The following AIG1 variants were observed in gnomAD, a reference collection of about 807,000 sequenced individuals.
The protein encoded by AIG1 is androgen-induced gene 1 protein.
Under a neutral mutation model 31.4 loss-of-function variants are expected in AIG1, and 23 were observed. That is an observed-to-expected ratio of 0.73 (90% CI 0.53 to 1.04). AIG1 has a LOEUF of 1.04. Among genes scored for constraint, AIG1 ranks in the 50% least tolerant of loss-of-function variants. AIG1 has a pLI of 0.00. For missense variants in AIG1, 274 were observed against 295.0 expected (o/e 0.93, Z 0.52); for synonymous variants, 100 against 110.5 (o/e 0.90, Z 0.60).
chr6:143,269,325 G>A (rs7765576), intron 3 of AIG1, among the ~76,000 whole-genome samples: 14,282 of 152,248 alleles, frequency 0.094, 1,831 homozygotes, highest in African/African-American at 0.29. Flanking sequence ...TCAAGTGCTG[G>A]CAAGGATTCA....
chr6:143,170,666 C>G (rs1371959072), intron 3 of AIG1, among the ~76,000 whole-genome samples: 1 of 149,852 alleles, frequency 6.7e-6, no homozygotes, highest in Non-Finnish European at 1.5e-5. Flanking sequence ...TTCTTTCCTT[C>G]TATTAATTTT....
chr6:143,181,943 A>C (rs1453111539), intron 3 of AIG1, among the ~76,000 whole-genome samples: 1 of 152,164 alleles, frequency 6.6e-6, no homozygotes, highest in African/African-American at 2.4e-5. Flanking sequence ...GAGTCAAATC[A>C]TACACTTCTC....
At chr6:143,069,015 T>C (rs1776991834) in intron 1 of AIG1, among the ~76,000 whole-genome samples, 1 of 143,648 alleles carries the variant, frequency 7.0e-6, no homozygotes, top group South Asian at 2.2e-4. Context: ...AATTTATTCC[T>C]TTTTTTTTTT....
At chr6:143,168,250 C>CT (rs890210732) in intron 3 of AIG1, among the ~76,000 whole-genome samples, 16 of 150,356 alleles carry the variant, frequency 1.1e-4, no homozygotes, top group Admixed American at 8.6e-4. Flanking sequence ...TTCCAAATTT[C>CT]TTTTTTTTTA....
intron 2 of AIG1, among the ~76,000 whole-genome samples, chr6:143,144,210 C>G (rs1482589741): frequency 2.6e-5 from 4 of 152,120 alleles, no homozygotes; most frequent in African/African-American, 9.7e-5. Context: ...AAATATATGA[C>G]AGGGAAAACC....
intron 1 of AIG1, among the ~76,000 whole-genome samples, chr6:143,105,514 A>C (rs148979374): frequency 7.2e-4 from 110 of 152,370 alleles, no homozygotes; most frequent in African/African-American, 2.5e-3. Flanking sequence ...AACACTATGG[A>C]GAGTGGGTTT....
intron 3 of AIG1, among the ~76,000 whole-genome samples, chr6:143,199,839 C>T (rs1562483905): frequency 6.6e-6 from 1 of 152,044 alleles, no homozygotes. Flanking sequence ...TACAAGAAGG[C>T]TTAAATGTTA....
intron 1 of AIG1, among the ~76,000 whole-genome samples, chr6:143,108,790 T>C (rs1781033833): frequency 6.6e-6 from 1 of 152,222 alleles, no homozygotes; most frequent in African/African-American, 2.4e-5. Flanking sequence ...GCACACATCT[T>C]ACATGAATTG....
intron 1 of AIG1, among the ~76,000 whole-genome samples, chr6:143,087,259 C>T (rs1416137188): frequency 6.6e-6 from 1 of 152,088 alleles, no homozygotes; most frequent in African/African-American, 2.4e-5. Flanking sequence ...CGGGCTGCTC[C>T]CAAGGTGGTG....
rs1328308620 is a variant in AIG1, at chr6:143,299,991, C to A, written c.515+15766C>A. Reference sequence around the variant, plus strand: ...ACACTGCTGTGAAACATCCACCGTGCACCACCACCGGGCTAGAATCTTATG... The same window carrying A: ...ACACTGCTGTGAAACATCCACCGTGAACCACCACCGGGCTAGAATCTTATG... On this transcript the variant is annotated intron_variant, in intron 4 of 5. Coordinates refer to ENST00000357847, the MANE Select transcript of AIG1 (RefSeq NM_016108.4). The surrounding 1 kb of genome is among the most constrained non-coding windows in gnomAD (Gnocchi z 4.1). Among the ~76,000 whole-genome samples the A allele has an allele frequency of 6.6e-6, 1 of 152,194 alleles. No homozygotes were observed. The highest frequency in any genetic ancestry group is 1.5e-5 in the Non-Finnish European group (1 of 68,038).
intron 3 of AIG1, among the ~76,000 whole-genome samples, chr6:143,185,379 C>T (rs1392427652): frequency 6.6e-6 from 1 of 152,084 alleles, no homozygotes; most frequent in African/African-American, 2.4e-5. Flanking sequence ...AGCATCCTCC[C>T]TGCCCCCTTT....
intron 1 of AIG1, among the ~76,000 whole-genome samples, chr6:143,083,938 G>A (rs1778522119): frequency 1.3e-5 from 2 of 152,192 alleles, no homozygotes; most frequent in Non-Finnish European, 2.9e-5. Flanking sequence ...TAACAAAGGA[G>A]TGGGGCTTTC....
chr6:143,162,542 C>T (rs1250458398), intron 2 of AIG1, among the ~76,000 whole-genome samples: 1 of 152,166 alleles, frequency 6.6e-6, no homozygotes, highest in Non-Finnish European at 1.5e-5. Flanking sequence ...GTACAATCCC[C>T]TTCTGTAGAG....
In AIG1 at chr6:143,291,459, A is replaced by G. The variant is rs1357160436; in HGVS notation, c.515+7234A>G. Among the ~76,000 whole-genome samples, 1 of 152,170 alleles carries G rather than the reference A, an allele frequency of 6.6e-6. No individual in the cohort carries two copies. Among genetic ancestry groups the G allele is most frequent in the Non-Finnish European group, 1.5e-5 (1 of 68,024 alleles). Reference sequence around the variant, plus strand: ...CAGAAACCCTTCAGAGACCCCTGCAAACCTCACACTTATGCACCCGACGCA... The same window carrying G: ...CAGAAACCCTTCAGAGACCCCTGCAGACCTCACACTTATGCACCCGACGCA... On this transcript the variant is annotated intron_variant, in intron 4 of 5. Coordinates refer to ENST00000357847, the MANE Select transcript of AIG1 (RefSeq NM_016108.4). The surrounding 1 kb of genome is among the most constrained non-coding windows in gnomAD (Gnocchi z 4.2).
chr6:143,294,044 C>T (rs1425137320), intron 4 of AIG1, among the ~76,000 whole-genome samples: 1 of 152,158 alleles, frequency 6.6e-6, no homozygotes, highest in East Asian at 1.9e-4. Flanking sequence ...ATCATTTCTG[C>T]ACCCATCCTC....
At chr6:143,116,052 A>G (rs1397354037) in intron 1 of AIG1, among the ~76,000 whole-genome samples, 1 of 152,246 alleles carries the variant, frequency 6.6e-6, no homozygotes. Flanking sequence ...TTGTCCTCGA[A>G]GGGCTCATAA....
intron 3 of AIG1, among the ~76,000 whole-genome samples, chr6:143,241,414 A>T (rs182613622): frequency 6.6e-6 from 1 of 152,310 alleles, no homozygotes; most frequent in Non-Finnish European, 1.5e-5. Context: ...TCAGGTCCAA[A>T]CTCAGACTTG....
chr6:143,259,242 G>A (rs1308175781), intron 3 of AIG1, among the ~76,000 whole-genome samples: 1 of 152,124 alleles, frequency 6.6e-6, no homozygotes, highest in African/African-American at 2.4e-5. Flanking sequence ...TCAGCCTTGG[G>A]TATTATGTTA....
intron 1 of AIG1, among the ~76,000 whole-genome samples, chr6:143,073,626 A>C (rs1777486365): frequency 6.6e-6 from 1 of 152,096 alleles, no homozygotes; most frequent in African/African-American, 2.4e-5. Context: ...TCCATACCTG[A>C]GACTGGGTAA....
Sources: allele counts gnomAD v4.1 joint callset (sites outside exome capture counted in the v4.1 genomes callset), GRCh38; gene constraint gnomAD v4.1.1; non-coding constraint Gnocchi (gnomAD v3.1); transcripts MANE v1.5; gene names NCBI Gene and HGNC (gene_info 2026-07-23, HGNC 2026-07-21).